The following PTPRK variants were observed in gnomAD, a reference collection of about 807,000 sequenced individuals.
PTPRK encodes the protein receptor-type tyrosine-protein phosphatase kappa.
In PTPRK, 75 loss-of-function variants were observed where a neutral mutation model predicts 178.0. That is an observed-to-expected ratio of 0.42 (90% CI 0.35 to 0.51). The LOEUF (loss-of-function observed/expected upper bound fraction) is 0.51. PTPRK is among the 20% of genes least tolerant of loss of function. PTPRK has a pLI of 0.02. For synonymous variants in PTPRK, 637 were observed against 620.6 expected (o/e 1.03, Z -0.39); for missense variants, 1,441 against 1,797.8 (o/e 0.80, Z 3.59).
Position 128,199,751 on chromosome 6 carries a change from T to C in PTPRK, c.869-15026A>G, listed in dbSNP as rs540517780. On this transcript the variant is annotated intron_variant, in intron 6 of 29. Transcript: ENST00000368226. The stretch of plus-strand genomic sequence containing the variant: ...TAAAGCCAGCATGTATGGCAAAATC[T>C]AATTCCTTCAAAATTTCTCTTGAAA... Among the ~76,000 whole-genome samples the C allele has an allele frequency of 2.4e-4, 36 of 152,344 alleles. No individual in the cohort carries two copies. The South Asian group carries it at 7.3e-3, about 31-fold the overall frequency.
intron 7 of PTPRK, among the ~76,000 whole-genome samples, chr6:128,158,959 C>T (rs1181301460): frequency 1.3e-5 from 2 of 151,820 alleles, no homozygotes; most frequent in African/African-American, 4.8e-5. Context: ...GTTCTTACCT[C>T]CTCAAGACTA....
chr6:127,997,105 C>CAG, intron 16 of PTPRK, 117 bp from the exon 17 acceptor site: 4 of 965,596 alleles, frequency 4.1e-6, no homozygotes, highest in Non-Finnish European at 6.2e-6. Flanking sequence ...AGCAGTCCTA[C>CAG]AGTAGTAAAC....
intron 2 of PTPRK, among the ~76,000 whole-genome samples, chr6:128,327,613 T>C (rs1829749818): frequency 6.6e-6 from 1 of 152,204 alleles, no homozygotes; most frequent in Admixed American, 6.5e-5. Flanking sequence ...GTGCCAATTT[T>C]AAATGATTTA....
At chr6:128,075,959 C>A (rs1246290907) in intron 11 of PTPRK, among the ~76,000 whole-genome samples, 2 of 151,908 alleles carry the variant, frequency 1.3e-5, no homozygotes, top group East Asian at 3.9e-4. Context: ...CAAGCTAACT[C>A]CTGGATGCTC....
At chr6:128,267,659 A>G (rs1583799601) in intron 3 of PTPRK, among the ~76,000 whole-genome samples, 1 of 152,148 alleles carries the variant, frequency 6.6e-6, no homozygotes, top group African/African-American at 2.4e-5. Context: ...ACAGTTCACA[A>G]TAACAACATA....
At chr6:128,036,034 C>A (rs974661432) in intron 13 of PTPRK, among the ~76,000 whole-genome samples, 1 of 152,050 alleles carries the variant, frequency 6.6e-6, no homozygotes, top group Non-Finnish European at 1.5e-5. Flanking sequence ...TTTGAAATTA[C>A]GTATGTTGGT....
At chr6:128,216,823 CACCT>C (rs1809395559) in intron 6 of PTPRK, among the ~76,000 whole-genome samples, 1 of 152,034 alleles carries the variant, frequency 6.6e-6, no homozygotes, top group African/African-American at 2.4e-5. Context: ...ATAAAGGGAG[CACCT>C]GGATAAAAGC....
At chr6:128,032,157 T>G (rs774195053) in intron 13 of PTPRK, among the ~76,000 whole-genome samples, 43 of 152,204 alleles carry the variant, frequency 2.8e-4, no homozygotes, top group Non-Finnish European at 4.7e-4. Context: ...CAACGCAGAC[T>G]CCTGAGGCAT....
In PTPRK at chr6:128,519,052, T is replaced by G. The variant is rs1429291135; in HGVS notation, c.100+1207A>C. ...CAGCCAGGAGCGTGGCTGTCGCTTT[T>G]CCCGTCTTCTCCATCACCCTCTGGC... On this transcript the variant is annotated intron_variant, in intron 1 of 29. Coordinates refer to ENST00000368226, the MANE Select transcript of PTPRK (RefSeq NM_002844.4). The surrounding 1 kb of genome is among the most constrained non-coding windows in gnomAD (Gnocchi z 4.3). The G allele has an allele frequency of 1.9e-6, 1 of 532,172 alleles. No homozygotes were observed. Among genetic ancestry groups the G allele is most frequent in the Non-Finnish European group, 3.9e-6 (1 of 259,602 alleles). The allele number at this position is 532,172 out of a possible 1,614,324, so 33.0% of individuals were successfully genotyped here.
intron 3 of PTPRK, among the ~76,000 whole-genome samples, chr6:128,317,161 T>G (rs1462135689): frequency 6.6e-6 from 1 of 152,090 alleles, no homozygotes; most frequent in Non-Finnish European, 1.5e-5. Context: ...ACCAAACTCA[T>G]AAAAATCATA....
chr6:128,213,851 A>C (rs1808713079), intron 6 of PTPRK, among the ~76,000 whole-genome samples: 1 of 152,136 alleles, frequency 6.6e-6, no homozygotes, highest in Non-Finnish European at 1.5e-5. Flanking sequence ...AAAAATATTT[A>C]CACCAAACTG....
At chr6:128,173,049 A>C (rs767668064) in intron 7 of PTPRK, among the ~76,000 whole-genome samples, 5 of 151,968 alleles carry the variant, frequency 3.3e-5, no homozygotes, top group African/African-American at 7.2e-5. Flanking sequence ...AATATGCTCA[A>C]CACACATTAG....
At chr6:128,047,349 G>A (rs1778224973) in intron 13 of PTPRK, among the ~76,000 whole-genome samples, 1 of 152,060 alleles carries the variant, frequency 6.6e-6, no homozygotes, top group South Asian at 2.1e-4. Flanking sequence ...ACATTCCCAG[G>A]ATATAAACAT....
chr6:128,319,839 G>A (rs555946701), intron 3 of PTPRK, among the ~76,000 whole-genome samples: 2 of 151,976 alleles, frequency 1.3e-5, no homozygotes, highest in Non-Finnish European at 2.9e-5. Flanking sequence ...CAAATGTACA[G>A]GTACAACTAA....
chr6:128,314,911 C>T (rs1299983623), intron 3 of PTPRK, among the ~76,000 whole-genome samples: 3 of 151,378 alleles, frequency 2.0e-5, no homozygotes, highest in African/African-American at 7.3e-5. Context: ...ATATACGTAT[C>T]AGAAAAACAA....
At chr6:128,190,106 T>C (rs933774830) in intron 6 of PTPRK, among the ~76,000 whole-genome samples, 11 of 152,214 alleles carry the variant, frequency 7.2e-5, no homozygotes, top group Non-Finnish European at 1.5e-4. Context: ...TAATATCATA[T>C]GTATAACAAC....
At chr6:128,432,630 T>G (rs897444570) in intron 1 of PTPRK, among the ~76,000 whole-genome samples, 1 of 152,100 alleles carries the variant, frequency 6.6e-6, no homozygotes, top group African/African-American at 2.4e-5. Flanking sequence ...TTCCAGATTT[T>G]CAAAGTCAAA....
intron 15 of PTPRK, chr6:128,000,332 T>C: frequency 7.8e-7 from 1 of 1,285,508 alleles, no homozygotes; most frequent in Non-Finnish European, 1.0e-6. Context: ...TTTTTCTTCC[T>C]GGAGAAGGGA....
chr6:128,317,342 G>C (rs1260087801), intron 3 of PTPRK, among the ~76,000 whole-genome samples: 1 of 152,044 alleles, frequency 6.6e-6, no homozygotes, highest in Non-Finnish European at 1.5e-5. Context: ...ACTCACAGTA[G>C]ATACCCAATA....
Sources: allele counts gnomAD v4.1 joint callset (sites outside exome capture counted in the v4.1 genomes callset), GRCh38; gene constraint gnomAD v4.1.1; non-coding constraint Gnocchi (gnomAD v3.1); transcripts MANE v1.5; gene names NCBI Gene and HGNC (gene_info 2026-07-23, HGNC 2026-07-21).